MTHFD2L: variants seen among roughly 807,000 people sequenced by gnomAD.
MTHFD2L encodes bifunctional methylenetetrahydrofolate dehydrogenase/cyclohydrolase 2, mitochondrial.
MTHFD2L carries 29 observed loss-of-function variants against 34.9 expected under a neutral mutation model. That is an observed-to-expected ratio of 0.83 (90% CI 0.62 to 1.13). The LOEUF (loss-of-function observed/expected upper bound fraction) is 1.13. Among genes scored for constraint, MTHFD2L ranks in the 50% most tolerant of loss-of-function variants. MTHFD2L has a pLI of 0.00. For synonymous variants in MTHFD2L, 167 were observed against 155.7 expected, an observed-to-expected ratio of 1.07 and a Z score of -0.54; for missense variants, 481 against 446.5, an observed-to-expected ratio of 1.08 and a Z score of -0.70.
chr4:74,174,779 T>A, intron 2 of MTHFD2L, 89 bp downstream of exon 2: 18 of 937,664 alleles, frequency 1.9e-5, no homozygotes, highest in Non-Finnish European at 2.4e-5. Flanking sequence ...AATTATCAAA[T>A]AAGTGCCATT....
At chr4:74,177,518 A>G (rs6850735) in intron 3 of MTHFD2L, among the ~76,000 whole-genome samples, 7,538 of 152,078 alleles carry the variant, frequency 0.05, 585 homozygotes, top group African/African-American at 0.17. Flanking sequence ...GATAAACTTC[A>G]CTAATTATCA....
upstream of MTHFD2L, among the ~76,000 whole-genome samples, chr4:74,125,215 G>T (rs1439446195): frequency 6.6e-6 from 1 of 152,106 alleles, no homozygotes; most frequent in East Asian, 1.9e-4. Flanking sequence ...ATTAACCCAA[G>T]TAATATGACT....
At chr4:74,217,489 T>C (rs1311868914) in intron 5 of MTHFD2L, among the ~76,000 whole-genome samples, 1 of 151,896 alleles carries the variant, frequency 6.6e-6, no homozygotes, top group East Asian at 1.9e-4. Context: ...TGAGTTTTCC[T>C]TCCTGTGATT....
intron 1 of MTHFD2L, among the ~76,000 whole-genome samples, chr4:74,168,781 C>G (rs985558991): frequency 6.6e-6 from 1 of 152,104 alleles, no homozygotes; most frequent in Non-Finnish European, 1.5e-5. Context: ...TAGAGGAGAT[C>G]AAGACAAGCC....
chr4:74,268,004 T>G, intron 6 of MTHFD2L: 1 of 985,106 alleles, frequency 1.0e-6, no homozygotes, highest in Non-Finnish European at 1.2e-6. Flanking sequence ...TTGGCATGAA[T>G]ATTATTCTCA....
upstream of MTHFD2L, among the ~76,000 whole-genome samples, chr4:74,118,655 C>T (rs544900923): frequency 8.5e-5 from 13 of 152,242 alleles, no homozygotes; most frequent in East Asian, 1.5e-3. Context: ...GAGATGCAAC[C>T]ACACAGAGAA....
chr4:74,145,708 G>C (rs1723553809), intron 1 of MTHFD2L, among the ~76,000 whole-genome samples: 1 of 152,092 alleles, frequency 6.6e-6, no homozygotes. Context: ...TGAAGATCAG[G>C]CCTGGTGGGA....
At chr4:74,153,375 G>A (rs544583427), upstream of MTHFD2L, among the ~76,000 whole-genome samples, 3 of 152,280 alleles carry the variant, frequency 2.0e-5, no homozygotes, top group South Asian at 4.1e-4. Context: ...TTACATGGAC[G>A]CATATATCTC....
At chr4:74,247,556 C>T (rs4371587) in intron 6 of MTHFD2L, among the ~76,000 whole-genome samples, 96,827 of 151,762 alleles carry the variant, frequency 0.64, 33,618 homozygotes, top group Middle Eastern at 0.78. Flanking sequence ...CTGTCTTGTG[C>T]CAGTTTTCAA....
At chr4:74,263,696 G>C (rs1316059594) in intron 6 of MTHFD2L, among the ~76,000 whole-genome samples, 1 of 151,976 alleles carries the variant, frequency 6.6e-6, no homozygotes, top group Admixed American at 6.6e-5. Flanking sequence ...AGACTTTGAG[G>C]AAGTTGTTTT....
At chr4:74,126,466 T>G (rs984848506) in intron 1 of MTHFD2L, among the ~76,000 whole-genome samples, 3 of 151,980 alleles carry the variant, frequency 2.0e-5, no homozygotes. Context: ...TAGTGAGGAG[T>G]AAACATGAGT....
At chr4:74,247,632 T>A (rs1005054945) in intron 6 of MTHFD2L, among the ~76,000 whole-genome samples, 37 of 152,324 alleles carry the variant, frequency 2.4e-4, no homozygotes, top group African/African-American at 8.4e-4. Flanking sequence ...TAGATAGCGC[T>A]TATTATTTTG....
chr4:74,224,804 C>T (rs894521316), intron 5 of MTHFD2L, among the ~76,000 whole-genome samples: 4 of 151,958 alleles, frequency 2.6e-5, no homozygotes, highest in Non-Finnish European at 4.4e-5. Flanking sequence ...GATTAGAACA[C>T]TTCTGCTCAT....
At chr4:74,129,039 GT>G (rs977294024) in intron 1 of MTHFD2L, among the ~76,000 whole-genome samples, 3 of 151,828 alleles carry the variant, frequency 2.0e-5, no homozygotes, top group African/African-American at 2.4e-5. Flanking sequence ...TTAATTCATT[GT>G]TTTTTTATTT....
chr4:74,276,888 C>T (rs1310418390), intron 6 of MTHFD2L, among the ~76,000 whole-genome samples: 8 of 151,730 alleles, frequency 5.3e-5, no homozygotes, highest in Admixed American at 5.3e-4. Flanking sequence ...CAAAGGTCAA[C>T]ACAACTTCAG....
At chr4:74,228,200 T>C (rs1439718098) in intron 6 of MTHFD2L, among the ~76,000 whole-genome samples, 1 of 152,196 alleles carries the variant, frequency 6.6e-6, no homozygotes, top group Non-Finnish European at 1.5e-5. Context: ...GTAAACTTTT[T>C]CAGACCACAG....
At chr4:74,260,318 C>T (rs1186687158) in intron 6 of MTHFD2L, among the ~76,000 whole-genome samples, 1 of 152,152 alleles carries the variant, frequency 6.6e-6, no homozygotes, top group African/African-American at 2.4e-5. Flanking sequence ...TGAATCCTCC[C>T]TGTATCCACT....
intron 3 of MTHFD2L, chr4:74,180,724 G>A (rs1205212015): frequency 2.2e-6 from 1 of 452,886 alleles, no homozygotes; most frequent in Non-Finnish European, 4.5e-6. Flanking sequence ...AAATGCTCGG[G>A]ATATAAGAGT....
intron 1 of MTHFD2L, among the ~76,000 whole-genome samples, chr4:74,145,154 T>G (rs1194687859): frequency 2.0e-5 from 3 of 151,776 alleles, no homozygotes; most frequent in African/African-American, 4.8e-5. Context: ...ACAGTCAACA[T>G]TCCATATTTG....
Sources: gnomAD v4.1 joint callset for allele counts (sites outside exome capture counted in the v4.1 genomes callset) on GRCh38, gnomAD v4.1.1 for gene constraint, MANE v1.5 for transcripts, NCBI Gene and HGNC (gene_info 2026-07-23, HGNC 2026-07-21) for gene names.